The following APLP2 variants were observed in gnomAD, a reference collection of about 807,000 sequenced individuals.
The protein encoded by APLP2 is CDEI box-binding protein.
APLP2 carries 53 observed loss-of-function variants against 89.9 expected under a neutral mutation model. The observed-to-expected ratio is 0.59, with a 90% CI of 0.47 to 0.74. APLP2 has a LOEUF of 0.74. Ranked by LOEUF, APLP2 falls within the 30% of genes least tolerant of loss-of-function variation. The pLI is 0.00. For synonymous variants in APLP2, 372 were observed against 348.6 expected (o/e 1.07, Z -0.75); for missense variants, 973 against 975.9 (o/e 1.00, Z 0.04).
At chr11:130,104,164 A>G (rs972650826) in intron 1 of APLP2, among the ~76,000 whole-genome samples, 2 of 150,204 alleles carry the variant, frequency 1.3e-5, no homozygotes, top group South Asian at 2.1e-4. Context: ...GTTTCTAGCC[A>G]TAATCCTTAG....
chr11:130,094,912 G>C (rs947736041), intron 1 of APLP2, among the ~76,000 whole-genome samples: 3 of 152,196 alleles, frequency 2.0e-5, no homozygotes, highest in African/African-American at 7.2e-5. Flanking sequence ...AGGAGGGACT[G>C]AAACCAGTGG....
intron 1 of APLP2, among the ~76,000 whole-genome samples, chr11:130,101,185 G>T (rs1374000438): frequency 6.6e-6 from 1 of 152,090 alleles, no homozygotes; most frequent in South Asian, 2.1e-4. Flanking sequence ...TGTTGTTGTT[G>T]TTGTTTTTTG....
chr11:130,109,418 C>T lies in APLP2; in HGVS notation c.106-11C>T, dbSNP rs780930340. 13 of 1,599,536 alleles carry T rather than the reference C, an allele frequency of 8.1e-6. No homozygotes were observed. Among genetic ancestry groups the T allele is most frequent in the African/African-American group, 1.4e-5 (1 of 73,988 alleles). On this transcript the variant is annotated splice_polypyrimidine_tract_variant and intron_variant, in intron 1 of 16. Coordinates refer to ENST00000338167, the MANE Select transcript of APLP2 (RefSeq NM_001142276.2). ...CTTGGAGTAAACCTGCAATTTTTTT[C>T]CCTTTGGTAGGCTCTTGCAGCCAAT... is the stretch of plus-strand genomic sequence containing the variant.
intron 13 of APLP2, 119 bp downstream of exon 13, chr11:130,135,834 G>T: frequency 7.9e-7 from 1 of 1,268,274 alleles, no homozygotes. Context: ...GAGAGTCAGG[G>T]GAAGGGAGAC....
At chr11:130,142,907 C>T (rs1432824963) in intron 16 of APLP2, among the ~76,000 whole-genome samples, 1 of 152,220 alleles carries the variant, frequency 6.6e-6, no homozygotes, top group Non-Finnish European at 1.5e-5. Flanking sequence ...GCTACTGCAC[C>T]TGGCCAGTTA....
intron 1 of APLP2, chr11:130,109,193 TATA>T: frequency 3.6e-6 from 1 of 279,906 alleles, no homozygotes; most frequent in East Asian, 6.7e-5. Flanking sequence ...GAACTTAAAA[TATA>T]ATAAATAAAA....
Position 130,122,523 on chromosome 11 carries a change from T to C in APLP2, c.922+10T>C, listed in dbSNP as rs1949941204. 6.2e-7 allele frequency: 1 copy of C among 1,613,884 alleles called. No homozygotes were observed. The highest frequency in any genetic ancestry group is 8.5e-7 in the Non-Finnish European group (1 of 1,179,832). On this transcript the variant is annotated intron_variant, in intron 6 of 16. Coordinates refer to ENST00000338167, the MANE Select transcript of APLP2 (RefSeq NM_001142276.2). Reference sequence around the variant, plus strand: ...ACTCATGATGTCAAAGGTAACCCCATGTAGAGCCATGGCTTTGAAATCCAT... The same window carrying C: ...ACTCATGATGTCAAAGGTAACCCCACGTAGAGCCATGGCTTTGAAATCCAT...
intron 1 of APLP2, among the ~76,000 whole-genome samples, chr11:130,087,451 C>T (rs1354738065): frequency 1.3e-5 from 2 of 152,166 alleles, no homozygotes; most frequent in East Asian, 1.9e-4. Context: ...GTGGCAGCCC[C>T]GCTTCAGTTG....
At chr11:130,101,874 C>G (rs1390576748) in intron 1 of APLP2, 14 of 444,762 alleles carry the variant, frequency 3.1e-5, no homozygotes, top group Non-Finnish European at 5.8e-5. Flanking sequence ...TTTTCCTGTT[C>G]CGGGATCCTG....
intron 1 of APLP2, chr11:130,100,261 C>G (rs1946728839): frequency 6.6e-6 from 1 of 152,134 alleles, no homozygotes; most frequent in African/African-American, 2.4e-5. Flanking sequence ...GGTCTTTCTC[C>G]CAGGTCAGTA....
At chr11:130,070,914 G>T (rs1940912429) in intron 1 of APLP2, among the ~76,000 whole-genome samples, 1 of 151,878 alleles carries the variant, frequency 6.6e-6, no homozygotes, top group Non-Finnish European at 1.5e-5. Flanking sequence ...AAGCGGCAGG[G>T]CCGGGGGTTG....
chr11:130,143,030 G>T (rs1591861532), intron 16 of APLP2, among the ~76,000 whole-genome samples: 1 of 152,184 alleles, frequency 6.6e-6, no homozygotes, highest in African/African-American at 2.4e-5. Flanking sequence ...TGACTGGCTT[G>T]CCTTGGCTGG....
chr11:130,116,337 C>A (rs781461287), intron 3 of APLP2, among the ~76,000 whole-genome samples: 6 of 151,934 alleles, frequency 3.9e-5, no homozygotes, highest in Non-Finnish European at 5.9e-5. Context: ...TTTCTTGTAA[C>A]CCCATACTAT....
At chr11:130,116,356 A>G (rs553658213) in intron 3 of APLP2, among the ~76,000 whole-genome samples, 2 of 152,308 alleles carry the variant, frequency 1.3e-5, no homozygotes, top group South Asian at 2.1e-4. Context: ...ATTCTGTTGT[A>G]TATATGTATC....
intron 1 of APLP2, among the ~76,000 whole-genome samples, chr11:130,075,351 A>G (rs1941935936): frequency 6.6e-6 from 1 of 152,152 alleles, no homozygotes; most frequent in South Asian, 2.1e-4. Context: ...TTAAAACATA[A>G]CTAATCTATT....
At chr11:130,093,666 T>C (rs532598851) in intron 1 of APLP2, among the ~76,000 whole-genome samples, 1 of 152,162 alleles carries the variant, frequency 6.6e-6, no homozygotes, top group Admixed American at 6.5e-5. Context: ...CAGTGAGTGA[T>C]GAAAAGAGCA....
Position 130,123,368 on chromosome 11 carries a change from G to A in APLP2, c.923-244G>A, listed in dbSNP as rs186507776. Among the ~76,000 whole-genome samples, 1 of 152,318 alleles carries A rather than the reference G, an allele frequency of 6.6e-6. No homozygotes were observed. The highest frequency in any genetic ancestry group is 1.9e-4 in the East Asian group (1 of 5,176). On this transcript the variant is annotated intron_variant, in intron 6 of 16. Coordinates refer to ENST00000338167, the MANE Select transcript of APLP2 (RefSeq NM_001142276.2). The surrounding 1 kb of genome is among the most constrained non-coding windows in gnomAD (Gnocchi z 4.0). The stretch of plus-strand genomic sequence containing the variant: ...ATTGCTCTACGTCAATCTAAACTCA[G>A]ATCTAGACTCCAGAGGGTGCCAAAA...
rs938405185 is a variant in APLP2, at chr11:130,069,926, G to A, written c.-52G>A. The A allele has an allele frequency of 5.7e-5, 77 of 1,339,310 alleles. No homozygotes were observed. In the East Asian group the frequency reaches 7.0e-4, roughly 12 times the overall value. 83.0% of individuals were successfully genotyped at this position (1,339,310 alleles called of 1,614,324 possible). A position where few individuals can be genotyped will look rare whatever the true frequency, so the allele number is the denominator to read the frequency against. On this transcript the variant is annotated 5_prime_UTR_variant, in exon 1 of 17. Coordinates refer to ENST00000338167, the MANE Select transcript of APLP2 (RefSeq NM_001142276.2). ...TCTGGGTCGCGGTGTGCTAAGCGAG[G>A]AGTCCGAGTGTGTGAGCTTGAGAGC...
At position 130,070,830 on chromosome 11, in the gene APLP2, C is replaced by G. The variant is rs545088648; in HGVS notation, c.105+748C>G. The G allele has an allele frequency of 3.0e-5, 36 of 1,188,746 alleles. 1 individual carries two copies. Among genetic ancestry groups the G allele is most frequent in the Middle Eastern group, 4.2e-4 (2 of 4,706 alleles). The allele number at this position is 1,188,746 out of a possible 1,614,324, so 73.6% of individuals were successfully genotyped here. A position where few individuals can be genotyped will look rare whatever the true frequency, so the allele number is the denominator to read the frequency against. On this transcript the variant is annotated intron_variant, in intron 1 of 16. Coordinates refer to ENST00000338167, the MANE Select transcript of APLP2 (RefSeq NM_001142276.2). ...TGTAAACTGTTGGAAAAATCGTCCT[C>G]TTCGGGTGTCAGAATTCCATCAGTG...
Sources: allele counts gnomAD v4.1 joint callset (sites outside exome capture counted in the v4.1 genomes callset), GRCh38; gene constraint gnomAD v4.1.1; non-coding constraint Gnocchi (gnomAD v3.1); transcripts MANE v1.5; gene names NCBI Gene and HGNC (gene_info 2026-07-23, HGNC 2026-07-21).